The following UBE2E2 variants were observed in gnomAD, a reference collection of about 807,000 sequenced individuals.
UBE2E2 encodes ubiquitin conjugating enzyme E2 E2, also known as ubiquitin-conjugating enzyme E2 E2.
Under a neutral mutation model 24.7 loss-of-function variants are expected in UBE2E2, and 6 were observed. The observed-to-expected ratio is 0.24, with a 90% CI of 0.13 to 0.48. The LOEUF (loss-of-function observed/expected upper bound fraction) is 0.48, where lower values mean the gene tolerates loss of function less well. Ranked by LOEUF, UBE2E2 falls within the 20% of genes least tolerant of loss-of-function variation. The probability of loss-of-function intolerance (pLI) is 0.99; values close to 1 mark genes in which losing one functional copy is unlikely to be tolerated. For synonymous variants in UBE2E2, 104 were observed against 83.6 expected, an observed-to-expected ratio of 1.24 and a Z score of -1.33; for missense variants, 169 against 245.0, an observed-to-expected ratio of 0.69 and a Z score of 2.07.
intron 5 of UBE2E2, among the ~76,000 whole-genome samples, chr3:23,540,344 A>G (rs183260588): frequency 1.3e-5 from 2 of 152,256 alleles, no homozygotes; most frequent in Non-Finnish European, 2.9e-5. Context: ...AAGATACAGC[A>G]TGTGCCCTGT....
intron 3 of UBE2E2, among the ~76,000 whole-genome samples, chr3:23,475,722 C>T (rs537279960): frequency 6.6e-6 from 1 of 152,118 alleles, no homozygotes; most frequent in East Asian, 1.9e-4. Context: ...GGTAGATCTG[C>T]ACACCACTAC....
In UBE2E2 at chr3:23,452,086, T is replaced by C. The variant is rs571006799; in HGVS notation, c.228-47522T>C. Among the ~76,000 whole-genome samples the C allele has an allele frequency of 2.0e-5, 3 of 152,352 alleles. No individual in the cohort carries two copies. The South Asian group carries it at 6.2e-4, about 32-fold the overall frequency. On this transcript the variant is annotated intron_variant, in intron 3 of 5. Coordinates refer to ENST00000396703, the MANE Select transcript of UBE2E2 (RefSeq NM_152653.4). ...ATGTTTTTCTGGGCTTTGGAGAGTA[T>C]TTCTTTGGCTGAAAGTGGGGAAGAA...
rs984694725 is a variant in UBE2E2 at position 23,536,374 on chromosome 3, T to A, written c.508+3673T>A. Among the ~76,000 whole-genome samples the A allele has an allele frequency of 4.6e-5, 7 of 152,226 alleles. 1 individual carries two copies. In the South Asian group the frequency reaches 1.4e-3, roughly 31 times the overall value. ...TGGCTATAAATATTTCTAACCTTTTTTTCCTTCTTGAGACGTGTATAGGTC... is the reference window on the plus strand; with the variant it reads ...TGGCTATAAATATTTCTAACCTTTTATTCCTTCTTGAGACGTGTATAGGTC... On this transcript the variant is annotated intron_variant, in intron 5 of 5. Coordinates refer to ENST00000396703, the MANE Select transcript of UBE2E2 (RefSeq NM_152653.4).
chr3:23,348,012 AAAG>A (rs1695613149), intron 3 of UBE2E2, among the ~76,000 whole-genome samples: 1 of 152,160 alleles, frequency 6.6e-6, no homozygotes, highest in Non-Finnish European at 1.5e-5. Flanking sequence ...ATAATAAAAA[AAAG>A]AAGGGGTTCA....
chr3:23,401,973 C>T (rs189370029), intron 3 of UBE2E2, among the ~76,000 whole-genome samples: 117 of 150,622 alleles, frequency 7.8e-4, no homozygotes, highest in Admixed American at 4.4e-3. Flanking sequence ...TCTCCTGTCT[C>T]AGCCTCCCGA....
intron 3 of UBE2E2, among the ~76,000 whole-genome samples, chr3:23,376,558 G>C (rs1383051611): frequency 6.6e-6 from 1 of 152,170 alleles, no homozygotes; most frequent in Non-Finnish European, 1.5e-5. Flanking sequence ...AAAGATTGAG[G>C]TGTACCTTTT....
intron 3 of UBE2E2, among the ~76,000 whole-genome samples, chr3:23,356,607 T>G (rs1259764909): frequency 6.6e-6 from 1 of 152,206 alleles, no homozygotes; most frequent in East Asian, 1.9e-4. Flanking sequence ...CTTTCTTTTA[T>G]GTATCCCAAA....
chr3:23,354,759 G>A (rs907771042), intron 3 of UBE2E2, among the ~76,000 whole-genome samples: 2 of 152,170 alleles, frequency 1.3e-5, no homozygotes, highest in African/African-American at 4.8e-5. Flanking sequence ...GGAGAAACAG[G>A]AACACTTTTA....
chr3:23,568,461 A>G (rs139118702), intron 5 of UBE2E2, among the ~76,000 whole-genome samples: 1 of 151,762 alleles, frequency 6.6e-6, no homozygotes, highest in Admixed American at 6.6e-5. Context: ...GTGGGAGTAG[A>G]CAGAAGAGAC....
At chr3:23,479,466 C>T (rs1033165958) in intron 3 of UBE2E2, among the ~76,000 whole-genome samples, 1 of 152,168 alleles carries the variant, frequency 6.6e-6, no homozygotes, top group African/African-American at 2.4e-5. Context: ...CTCAGGGAGC[C>T]CCTAGGCCTG....
Position 23,589,406 on chromosome 3 carries a change from G to C in UBE2E2, c.509-328G>C, listed in dbSNP as rs572599787. On this transcript the variant is annotated intron_variant, in intron 5 of 5. Transcript: ENST00000396703. The surrounding 1 kb of genome is among the most constrained non-coding windows in gnomAD (Gnocchi z 4.1). ...CCACTGCACTCTAGCCTGAGTGACA[G>C]AGCAACACCCTGTCTCAAAAGAAAA... Among the ~76,000 whole-genome samples the C allele has an allele frequency of 6.7e-6, 1 of 149,398 alleles. No homozygotes were observed. Among genetic ancestry groups the C allele is most frequent in the Admixed American group, 6.6e-5 (1 of 15,074 alleles).
intron 3 of UBE2E2, among the ~76,000 whole-genome samples, chr3:23,301,137 G>C (rs1410277734): frequency 1.3e-5 from 2 of 151,988 alleles, no homozygotes; most frequent in Non-Finnish European, 2.9e-5. Flanking sequence ...AGCTCCATCA[G>C]GTCCTTTAAG....
At chr3:23,432,176 A>G (rs1318593147) in intron 3 of UBE2E2, among the ~76,000 whole-genome samples, 2 of 152,198 alleles carry the variant, frequency 1.3e-5, no homozygotes, top group Non-Finnish European at 2.9e-5. Flanking sequence ...CTAAAATGGT[A>G]TGTGTAGAGA....
In UBE2E2 at chr3:23,228,193, G is replaced by T. The variant is rs539876626; in HGVS notation, c.227+10881G>T. Among the ~76,000 whole-genome samples the T allele has an allele frequency of 1.1e-4, 16 of 152,222 alleles. No homozygotes were observed. In the East Asian group the frequency reaches 3.1e-3, roughly 29 times the overall value. ...TAAAAATATTTATTTGCTAATAAAA[G>T]AAAATGTTGAATGGTAAAGTGAGTT... On this transcript the variant is annotated intron_variant, in intron 3 of 5. Transcript: ENST00000396703.
intron 3 of UBE2E2, among the ~76,000 whole-genome samples, chr3:23,483,916 TACACAA>T (rs1667246608): frequency 6.6e-6 from 1 of 152,190 alleles, no homozygotes; most frequent in African/African-American, 2.4e-5. Flanking sequence ...ACTGACAAGG[TACACAA>T]ACACAGCGGA....
chr3:23,335,156 T>G (rs1249826223), intron 3 of UBE2E2, among the ~76,000 whole-genome samples: 1 of 152,182 alleles, frequency 6.6e-6, no homozygotes, highest in Non-Finnish European at 1.5e-5. Context: ...TCAAATATAT[T>G]TCCTTAAATA....
At chr3:23,520,065 C>A (rs1694828794) in intron 4 of UBE2E2, among the ~76,000 whole-genome samples, 1 of 152,060 alleles carries the variant, frequency 6.6e-6, no homozygotes. Flanking sequence ...TAAAGTCAAA[C>A]TGTTGAGATC....
At chr3:23,366,501 A>G (rs997647452) in intron 3 of UBE2E2, among the ~76,000 whole-genome samples, 1 of 152,194 alleles carries the variant, frequency 6.6e-6, no homozygotes, top group Non-Finnish European at 1.5e-5. Flanking sequence ...TCGCTTTGCA[A>G]CAACATTGAT....
rs201647740 is a variant in UBE2E2, at chr3:23,382,895, GT to G, written c.228-116703del. ...TAAAAATCAAATTGTGAAAAGGTTA[GT>G]TTTTTTTTTGTACCAAGGAGGTAAG... On this transcript the variant is annotated intron_variant, in intron 3 of 5. Coordinates refer to ENST00000396703, the MANE Select transcript of UBE2E2 (RefSeq NM_152653.4). Among the ~76,000 whole-genome samples the G allele has an allele frequency of 5.4e-5, 8 of 149,040 alleles. No homozygotes were observed. In the South Asian group the frequency reaches 6.3e-4, roughly 12 times the overall value.
Sources: gnomAD v4.1 joint callset for allele counts (sites outside exome capture counted in the v4.1 genomes callset) on GRCh38, gnomAD v4.1.1 for gene constraint, Gnocchi (gnomAD v3.1) non-coding constraint, MANE v1.5 for transcripts, NCBI Gene and HGNC (gene_info 2026-07-23, HGNC 2026-07-21) for gene names.